OTUD4: variants seen among roughly 807,000 people sequenced by gnomAD.
The protein encoded by OTUD4 is OTU domain-containing protein 4.
OTUD4 carries 24 observed loss-of-function variants against 130.4 expected under a neutral mutation model. That is an observed-to-expected ratio of 0.18 (90% CI 0.13 to 0.26). The LOEUF (loss-of-function observed/expected upper bound fraction) is 0.26. OTUD4 is among the 10% of genes least tolerant of loss of function. The pLI is 1.00. For synonymous variants in OTUD4, 420 were observed against 472.5 expected (o/e 0.89, Z 1.44); for missense variants, 1,031 against 1,329.4 (o/e 0.78, Z 3.49).
chr4:145,159,874 AAACT>A (rs1460368941), intron 6 of OTUD4, among the ~76,000 whole-genome samples: 2 of 152,254 alleles, frequency 1.3e-5, no homozygotes, highest in African/African-American at 4.8e-5. Flanking sequence ...GCCATTTTTA[AAACT>A]AACACCATCA....
intron 6 of OTUD4, among the ~76,000 whole-genome samples, chr4:145,160,728 G>A (rs961120098): frequency 2.6e-5 from 4 of 152,132 alleles, no homozygotes; most frequent in South Asian, 2.1e-4. Flanking sequence ...CAGCAGAATC[G>A]CTTGAACCCA....
chr4:145,162,619 TA>T lies in OTUD4; in HGVS notation c.496+20del. The T allele has an allele frequency of 8.4e-7, 1 of 1,196,324 alleles. No individual in the cohort carries two copies. Among genetic ancestry groups the T allele is most frequent in the Non-Finnish European group, 1.2e-6 (1 of 835,678 alleles). The allele number at this position is 1,196,324 out of a possible 1,614,324, so 74.1% of individuals were successfully genotyped here. ...AAGTTTAGGAATATAATTTCCCATATAAACACAAGGTGATACTTACACTGAC... is the reference window on the plus strand; with the variant it reads ...AAGTTTAGGAATATAATTTCCCATATAACACAAGGTGATACTTACACTGAC... On this transcript the variant is annotated intron_variant, in intron 6 of 20. Transcript: ENST00000447906.
In OTUD4 at chr4:145,135,047, C is replaced by A; in HGVS notation, c.*2383G>T. The A allele has an allele frequency of 9.4e-4, 264 of 281,500 alleles. No individual in the cohort carries two copies. Among genetic ancestry groups the A allele is most frequent in the Non-Finnish European group, 1.2e-3 (178 of 152,880 alleles). The allele number at this position is 281,500 out of a possible 1,614,324, so 17.4% of individuals were successfully genotyped here. A position where few individuals can be genotyped will look rare whatever the true frequency, so the allele number is the denominator to read the frequency against. ...TCCTTAGTTTGACCTCAGCATAAGG[C>A]AAAATCCCCTGGACTAATACATTTA... is the stretch of plus-strand genomic sequence containing the variant. On this transcript the variant is annotated 3_prime_UTR_variant, in exon 21 of 21. Transcript: ENST00000447906.
chr4:145,174,100 G>A (rs977443213), intron 2 of OTUD4, among the ~76,000 whole-genome samples: 2 of 150,044 alleles, frequency 1.3e-5, no homozygotes, highest in African/African-American at 2.5e-5. Flanking sequence ...TCTGCCTCCT[G>A]GGTTCGAGCA....
Position 145,156,715 on chromosome 4 carries a change from T to C in OTUD4, c.630-719A>G, listed in dbSNP as rs530560816. Among the ~76,000 whole-genome samples the C allele has an allele frequency of 7.6e-4, 116 of 151,834 alleles. 1 individual carries two copies. The highest frequency in any genetic ancestry group is 1.4e-3 in the Non-Finnish European group (96 of 67,952). Reference sequence around the variant, plus strand: ...AAAAAAAATACTCTACGTCAAATAATGTTCAGCACAATGAAAGCACCATCA... The same window carrying C: ...AAAAAAAATACTCTACGTCAAATAACGTTCAGCACAATGAAAGCACCATCA... On this transcript the variant is annotated intron_variant, in intron 7 of 20. Transcript: ENST00000447906.
chr4:145,159,741 T>C, intron 6 of OTUD4, 106 bp from the exon 7 acceptor site: 1 of 1,028,990 alleles, frequency 9.7e-7, no homozygotes. Context: ...GCTTTTAAAA[T>C]CCTGACTAGA....
At chr4:145,144,564 A>C (rs1247030137) in intron 14 of OTUD4, 130 bp from the exon 15 acceptor site, 1 of 806,408 alleles carries the variant, frequency 1.2e-6, no homozygotes, top group African/African-American at 1.8e-5. Context: ...TTTTTAACTG[A>C]AACTAAAGAA....
chr4:145,136,029 T>C lies in OTUD4; in HGVS notation c.*1401A>G, dbSNP rs766446244. 6.6e-6 allele frequency: 1 copy of C among 152,654 alleles called. No homozygotes were observed. The highest frequency in any genetic ancestry group is 6.5e-5 in the Admixed American group (1 of 15,278). The allele number at this position is 152,654 out of a possible 1,614,324, so 9.5% of individuals were successfully genotyped here. ...TTGGCTAGGTATATTACACATGGCATGCAAAGAGAAATTACTACTATGTTA... is the reference window on the plus strand; with the variant it reads ...TTGGCTAGGTATATTACACATGGCACGCAAAGAGAAATTACTACTATGTTA... On this transcript the variant is annotated 3_prime_UTR_variant, in exon 21 of 21. Coordinates refer to ENST00000447906, the MANE Select transcript of OTUD4 (RefSeq NM_001366057.1).
chr4:145,133,672 T>C lies in OTUD4; in HGVS notation c.*3758A>G, dbSNP rs1750107479. On this transcript the variant is annotated 3_prime_UTR_variant, in exon 21 of 21. Coordinates refer to ENST00000447906, the MANE Select transcript of OTUD4 (RefSeq NM_001366057.1). ...GAATCAAGAGACAAAATTTAATATA[T>C]GCACACAGTTTTATATATAATGCAG... 6.6e-6 allele frequency: 1 copy of C among 152,618 alleles called. No homozygotes were observed. The allele number at this position is 152,618 out of a possible 1,614,324, so 9.5% of individuals were successfully genotyped here.
At chr4:145,142,999 T>C (rs1273985889) in intron 17 of OTUD4, among the ~76,000 whole-genome samples, 1 of 152,220 alleles carries the variant, frequency 6.6e-6, no homozygotes, top group Non-Finnish European at 1.5e-5. Flanking sequence ...AGATAACTCT[T>C]TTAAATTTTG....
chr4:145,165,261 T>G, intron 3 of OTUD4, 64 bp from the exon 4 acceptor site: 2 of 985,632 alleles, frequency 2.0e-6, no homozygotes, highest in East Asian at 4.8e-5. Flanking sequence ...ACTTTATATT[T>G]CTATACATAC....
At chr4:145,159,448 T>C (rs780994456) in intron 7 of OTUD4, 55 bp downstream of exon 7, 50 of 1,607,800 alleles carry the variant, frequency 3.1e-5, no homozygotes, top group Non-Finnish European at 3.9e-5. Flanking sequence ...TAAAGACATT[T>C]ACTTAACTTT....
rs1446532066 is a variant in OTUD4, at chr4:145,155,971, C to T, written c.655G>A (p.Asp219Asn). The stretch of plus-strand genomic sequence containing the variant: ...GACAAAGGTTTAAATCCATTCACAT[C>T]AGCAGCAGCAGCAGCAGTCTTACTC... ...CKSKTAAAAA[D>N]VNGFKPLSGN... The change falls in exon 8 of 21, where the codon GAT (aspartate) becomes AAT (asparagine). Residue 219 changes from aspartate (D) to asparagine (N), a missense_variant. Physicochemically the swap from Asp to Asn is conservative, Grantham distance 23. Coordinates refer to ENST00000447906, the MANE Select transcript of OTUD4 (RefSeq NM_001366057.1). 1.2e-5 allele frequency: 18 copies of T among 1,523,962 alleles called. No homozygotes were observed. Among genetic ancestry groups the T allele is most frequent in the Non-Finnish European group, 1.5e-5 (17 of 1,116,286 alleles). The allele number at this position is 1,523,962 out of a possible 1,614,324, so 94.4% of individuals were successfully genotyped here.
intron 13 of OTUD4, among the ~76,000 whole-genome samples, chr4:145,149,941 G>A (rs899496288): frequency 4.6e-5 from 7 of 152,124 alleles, no homozygotes; most frequent in Non-Finnish European, 7.4e-5. Flanking sequence ...AGAAAGTGAA[G>A]ACTAGGGAAA....
At chr4:145,143,284 C>G (rs1179436033) in intron 17 of OTUD4, 81 bp downstream of exon 17, 24 of 793,822 alleles carry the variant, frequency 3.0e-5, no homozygotes, top group Non-Finnish European at 4.7e-5. Context: ...CTGATGTTTT[C>G]TGTTTTTAAA....
At chr4:145,153,070 GT>G (rs889052337) in intron 10 of OTUD4, among the ~76,000 whole-genome samples, 175 of 152,202 alleles carry the variant, frequency 1.1e-3, no homozygotes, top group Admixed American at 1.3e-3. Flanking sequence ...AGAAAATAAA[GT>G]TTATCAGTAA....
At chr4:145,165,286 C>A in intron 3 of OTUD4, 89 bp from the exon 4 acceptor site, 1 of 768,220 alleles carries the variant, frequency 1.3e-6, no homozygotes, top group South Asian at 1.7e-5. Context: ...ATACAGCATA[C>A]GTAATGAGTT....
intron 6 of OTUD4, among the ~76,000 whole-genome samples, chr4:145,160,512 A>G (rs1162320233): frequency 6.6e-6 from 1 of 152,214 alleles, no homozygotes; most frequent in African/African-American, 2.4e-5. Context: ...ACAATGTACT[A>G]AGAATTCATC....
At chr4:145,151,451 T>C (rs868192790) in intron 11 of OTUD4, among the ~76,000 whole-genome samples, 1 of 152,060 alleles carries the variant, frequency 6.6e-6, no homozygotes, top group Non-Finnish European at 1.5e-5. Context: ...CTGACCAACA[T>C]GGTCAAACCC....
Sources: gnomAD v4.1 joint callset for allele counts (sites outside exome capture counted in the v4.1 genomes callset) on GRCh38, gnomAD v4.1.1 for gene constraint, MANE v1.5 for transcripts, NCBI Gene and HGNC (gene_info 2026-07-23, HGNC 2026-07-21) for gene names.